EBLN1: variants seen among roughly 807,000 people sequenced by gnomAD.
The protein encoded by EBLN1 is endogenous Bornavirus like nucleoprotein 1.
Under a neutral mutation model 0.8 loss-of-function variants are expected in EBLN1, and 1 was observed. The ratio of observed to expected loss-of-function variants is 1.32; its 90% CI spans 0.47 to 6.26. The LOEUF is 6.26. Among genes scored for constraint, EBLN1 ranks in the 30% most tolerant of loss-of-function variants. The pLI is 0.15. For missense variants in EBLN1, 396 were observed against 447.9 expected, an observed-to-expected ratio of 0.88 and a Z score of 1.05; for synonymous variants, 158 against 158.5, an observed-to-expected ratio of 1.00 and a Z score of 0.02.
At position 22,217,456 on chromosome 10, in the gene EBLN1, T is replaced by C. The variant is rs80178640; in HGVS notation, c.-169+460A>G. 5.5e-3 allele frequency among the ~76,000 whole-genome samples: 841 copies of C among 152,334 alleles called. 9 individuals are homozygous for C. Among genetic ancestry groups the C allele is most frequent in the African/African-American group, 0.02 (811 of 41,580 alleles). On this transcript the variant is annotated intron_variant, in intron 1 of 2. Transcript: ENST00000422359. ...TTATGTGCCAAGAACTTTGGTAATA[T>C]AAAGAAAGACAAAGAGGAAAAAACA...
In EBLN1 at chr10:22,210,029, TA is replaced by T. The variant is rs1834736061; in HGVS notation, c.-44-3del. The T allele has an allele frequency of 2.3e-6, 3 of 1,310,976 alleles. No individual in the cohort carries two copies. The highest frequency in any genetic ancestry group is 2.4e-4 in the Middle Eastern group (1 of 4,172). The allele number at this position is 1,310,976 out of a possible 1,614,324, so 81.2% of individuals were successfully genotyped here. A position where few individuals can be genotyped will look rare whatever the true frequency, so the allele number is the denominator to read the frequency against. ...ATTTTCACACAATTTTGTACTGTACTAAAAAAATATAGAGAATGGCAATACA... is the reference window on the plus strand; with the variant it reads ...ATTTTCACACAATTTTGTACTGTACTAAAAAATATAGAGAATGGCAATACA... On this transcript the variant is annotated splice_region_variant and splice_polypyrimidine_tract_variant and intron_variant, in intron 2 of 2. Coordinates refer to ENST00000422359, the MANE Select transcript of EBLN1 (RefSeq NM_001394757.1).
chr10:22,215,035 A>G (rs932692666), intron 1 of EBLN1, among the ~76,000 whole-genome samples: 6 of 152,256 alleles, frequency 3.9e-5, no homozygotes, highest in Non-Finnish European at 5.9e-5. Context: ...ATGCAGTCAC[A>G]AAAGATCATA....
Position 22,209,600 on chromosome 10 carries a change from G to A in EBLN1, c.384C>T (p.Phe128=). The A allele has an allele frequency of 6.5e-7, 1 of 1,537,098 alleles. No homozygotes were observed. Among genetic ancestry groups the A allele is most frequent in the Non-Finnish European group, 8.7e-7 (1 of 1,147,616 alleles). Residue 128 remains phenylalanine (F), a synonymous_variant, in exon 3 of 3, where the codon TTC becomes TTT. Coordinates refer to ENST00000422359, the MANE Select transcript of EBLN1 (RefSeq NM_001394757.1). ...GAATTGATGACATCTCAAGGGCAGT[G>A]AAGGTAGGCAAAACATCTTCAAATT... ...ASKFEDVLPT[F]TALEMSSILR...
intron 2 of EBLN1, among the ~76,000 whole-genome samples, 162 bp from the exon 3 acceptor site, chr10:22,210,189 T>C (rs1834737952): frequency 6.6e-6 from 1 of 152,218 alleles, no homozygotes; most frequent in African/African-American, 2.4e-5. Flanking sequence ...AACATAATTT[T>C]GATTTTCATG....
chr10:22,213,669 G>A (rs1348055744), intron 1 of EBLN1, among the ~76,000 whole-genome samples: 8 of 152,084 alleles, frequency 5.3e-5, no homozygotes, highest in East Asian at 1.9e-4. Context: ...GAGCTTTTTC[G>A]AAAAACTATA....
At chr10:22,212,776 A>G (rs1834764407) in intron 2 of EBLN1, among the ~76,000 whole-genome samples, 66 bp downstream of exon 2, 1 of 150,326 alleles carries the variant, frequency 6.7e-6, no homozygotes. Context: ...ACAGCAGGAC[A>G]CCATCTCTTA....
rs1834765767 is a variant in EBLN1 at position 22,212,892 on chromosome 10, A to C, written c.-95T>G. Reference sequence around the variant, plus strand: ...TGAGGTAGGAGGATTGCTTGACTCCAGGAGCTCAGAGGTGCAGTGAGCTAT... The same window carrying C: ...TGAGGTAGGAGGATTGCTTGACTCCCGGAGCTCAGAGGTGCAGTGAGCTAT... On this transcript the variant is annotated 5_prime_UTR_variant, in exon 2 of 3. Transcript: ENST00000422359. 1.3e-5 allele frequency among the ~76,000 whole-genome samples: 2 copies of C among 151,194 alleles called. No homozygotes were observed. The highest frequency in any genetic ancestry group is 4.9e-5 in the African/African-American group (2 of 41,070).
intron 2 of EBLN1, among the ~76,000 whole-genome samples, chr10:22,211,974 T>C (rs1834758716): frequency 6.6e-6 from 1 of 152,222 alleles, no homozygotes; most frequent in African/African-American, 2.4e-5. Context: ...TAAACTTAAC[T>C]AGCAGTTATA....
intron 1 of EBLN1, among the ~76,000 whole-genome samples, 111 bp downstream of exon 1, chr10:22,217,805 G>C (rs146541260): frequency 4.6e-5 from 7 of 152,280 alleles, no homozygotes; most frequent in Non-Finnish European, 1.0e-4. Context: ...AGACTATTTA[G>C]AAAATAATGT....
intron 1 of EBLN1, among the ~76,000 whole-genome samples, chr10:22,217,126 T>C (rs1018040846): frequency 6.6e-6 from 1 of 152,114 alleles, no homozygotes; most frequent in Non-Finnish European, 1.5e-5. Context: ...TATGTGTATA[T>C]ATATATTTTT....
intron 2 of EBLN1, 22 bp from the exon 3 acceptor site, chr10:22,210,049 C>CA: frequency 8.6e-6 from 11 of 1,273,510 alleles, no homozygotes; most frequent in Non-Finnish European, 1.1e-5. Flanking sequence ...TAGAGAATGG[C>CA]AATACAACAA....
Position 22,208,815 on chromosome 10 carries a change from T to C in EBLN1, c.*68A>G. On this transcript the variant is annotated 3_prime_UTR_variant, in exon 3 of 3. Coordinates refer to ENST00000422359, the MANE Select transcript of EBLN1 (RefSeq NM_001394757.1). ...AAAACAATAGGCAACACTCAGATACTATTTTAGAATGTGATTTTCACATAA... is the reference window on the plus strand; with the variant it reads ...AAAACAATAGGCAACACTCAGATACCATTTTAGAATGTGATTTTCACATAA... 7.0e-7 allele frequency: 1 copy of C among 1,419,802 alleles called. No individual in the cohort carries two copies. Among genetic ancestry groups the C allele is most frequent in the South Asian group, 1.5e-5 (1 of 64,632 alleles). 88.0% of individuals were successfully genotyped at this position (1,419,802 alleles called of 1,614,324 possible). A position where few individuals can be genotyped will look rare whatever the true frequency, so the allele number is the denominator to read the frequency against.
In EBLN1 at chr10:22,212,869, A is replaced by G. The variant is rs1834765614; in HGVS notation, c.-72T>C. 6.7e-6 allele frequency among the ~76,000 whole-genome samples: 1 copy of G among 148,998 alleles called. No individual in the cohort carries two copies. Among genetic ancestry groups the G allele is most frequent in the South Asian group, 2.2e-4 (1 of 4,620 alleles). On this transcript the variant is annotated 5_prime_UTR_variant, in exon 2 of 3. Transcript: ENST00000422359. Reference sequence around the variant, plus strand: ...GCAGTCCTAGCTACTTTGGAGGCTGAGGTAGGAGGATTGCTTGACTCCAGG... The same window carrying G: ...GCAGTCCTAGCTACTTTGGAGGCTGGGGTAGGAGGATTGCTTGACTCCAGG...
At position 22,209,003 on chromosome 10, in the gene EBLN1, T is replaced by C. The variant is rs1470824547; in HGVS notation, c.981A>G (p.Gly327=). The C allele has an allele frequency of 1.3e-6, 2 of 1,535,828 alleles. No individual in the cohort carries two copies. Among genetic ancestry groups the C allele is most frequent in the East Asian group, 2.4e-5 (1 of 40,920 alleles). ...SGFEALDIIP[G]STITFPVLQM... is the part of the protein sequence containing the mutation. ...GAAGTACAGGGAATGTAATAGTTGA[T>C]CCTGGTATAATGTCAAGGGCTTCAA... is the stretch of plus-strand genomic sequence containing the variant. The change falls in exon 3 of 3, where the codon GGA becomes GGG. Residue 327 remains glycine (G), a synonymous_variant. Coordinates refer to ENST00000422359, the MANE Select transcript of EBLN1 (RefSeq NM_001394757.1).
chr10:22,209,964 T>C lies in EBLN1; in HGVS notation c.20A>G (p.Asn7Ser). ...GTCTTGTGGGCTGCTGGTCTGTGGG[T>C]TGTTTCTTGGGCGGGACATTGTGGG... MSRPRN[N>S]PQTSSPQDST... is the part of the protein sequence containing the mutation. The change falls in exon 3 of 3, where the codon AAC (asparagine) becomes AGC (serine). Residue 7 changes from asparagine to serine, a missense_variant. Transcript: ENST00000422359. The C allele has an allele frequency of 1.4e-6, 2 of 1,420,590 alleles. No individual in the cohort carries two copies. Among genetic ancestry groups the C allele is most frequent in the South Asian group, 1.6e-5 (1 of 61,164 alleles). The allele number at this position is 1,420,590 out of a possible 1,614,324, so 88.0% of individuals were successfully genotyped here.
At chr10:22,216,703 G>A (rs905615205) in intron 1 of EBLN1, among the ~76,000 whole-genome samples, 4 of 152,156 alleles carry the variant, frequency 2.6e-5, no homozygotes, top group Non-Finnish European at 4.4e-5. Flanking sequence ...GACTGAGGAA[G>A]GACAGGATTT....
In EBLN1 at chr10:22,209,340, T is replaced by C. The variant is rs562469933; in HGVS notation, c.644A>G (p.Glu215Gly). 506 of 1,604,464 alleles carry C rather than the reference T, an allele frequency of 3.2e-4. 8 individuals carry two copies. In the South Asian group the frequency reaches 4.5e-3, roughly 14 times the overall value. ...ATCAAGTAGCTCGCACGCAGGGGAT[T>C]CAAATTCTCCAAATAGAAATGTGAA... ...LMFTFLFGEF[E>G]SPACELLDQV... is the part of the protein sequence containing the mutation. Residue 215 changes from glutamate to glycine, a missense_variant, in exon 3 of 3, where the codon GAA (glutamate) becomes GGA (glycine). By Grantham distance (98) the Glu-to-Gly change is moderately conservative. Transcript: ENST00000422359.
At position 22,209,188 on chromosome 10, in the gene EBLN1, G is replaced by A; in HGVS notation, c.796C>T (p.Gln266Ter). 1.3e-6 allele frequency: 2 copies of A among 1,536,658 alleles called. No individual in the cohort carries two copies. Among genetic ancestry groups the A allele is most frequent in the Non-Finnish European group, 8.7e-7 (1 of 1,147,362 alleles). Reference sequence around the variant, plus strand: ...ACCTTTTTAGCCAGTGGTTTCTTCTGCTCAAAAACTGGAATCTCCAACACA... The same window carrying A: ...ACCTTTTTAGCCAGTGGTTTCTTCTACTCAAAAACTGGAATCTCCAACACA... ...AVVLEIPVFE[Q>*]KKPLAKKVLG... Residue 266 changes from glutamine to a stop codon, truncating the protein, a stop_gained, in exon 3 of 3, where the codon CAG becomes TAG. Transcript: ENST00000422359. LOFTEE classifies it low-confidence loss of function (END_TRUNC).
In EBLN1 at chr10:22,209,136, C is replaced by T; in HGVS notation, c.848G>A (p.Gly283Asp). 6.5e-7 allele frequency: 1 copy of T among 1,535,972 alleles called. No homozygotes were observed. The highest frequency in any genetic ancestry group is 8.7e-7 in the Non-Finnish European group (1 of 1,146,904). The change falls in exon 3 of 3, where the codon GGT becomes GAT. Residue 283 changes from glycine to aspartate, a missense_variant. By Grantham distance (94) the Gly-to-Asp change is moderately conservative. Transcript: ENST00000422359. ...CCCAATAACAGGGTGGCGAAGTACACCCCCAAATTCAAAGAAATCTCCAAG... is the reference window on the plus strand; with the variant it reads ...CCCAATAACAGGGTGGCGAAGTACATCCCCAAATTCAAAGAAATCTCCAAG... The part of the protein sequence containing the change: ...KVLGDFFEFG[G>D]VLRHPVIGVL...
Sources: allele counts gnomAD v4.1 joint callset (sites outside exome capture counted in the v4.1 genomes callset), GRCh38; gene constraint gnomAD v4.1.1; transcripts MANE v1.5; gene names NCBI Gene and HGNC (gene_info 2026-07-23, HGNC 2026-07-21).